The following SLC12A7 variants were observed in gnomAD, a reference collection of about 807,000 sequenced individuals.
SLC12A7 encodes the protein solute carrier family 12 member 7, also known as K-Cl cotransporter 4.
SLC12A7 carries 100 observed loss-of-function variants against 120.6 expected under a neutral mutation model. That is an observed-to-expected ratio of 0.83 (90% CI 0.71 to 0.98). The LOEUF is 0.98. SLC12A7 is among the 50% of genes least tolerant of loss of function. The pLI is 0.00. For synonymous variants in SLC12A7, 760 were observed against 678.0 expected (o/e 1.12, Z -1.88); for missense variants, 1,373 against 1,548.1 (o/e 0.89, Z 1.90).
At chr5:1,085,883 C>T (rs572422309) in intron 6 of SLC12A7, among the ~76,000 whole-genome samples, 1 of 152,362 alleles carries the variant, frequency 6.6e-6, no homozygotes, top group South Asian at 2.1e-4. Flanking sequence ...GCCCAGAGAG[C>T]TCGGCCCACC....
At chr5:1,138,481 C>A in the SLC12A7 span, among the ~76,000 whole-genome samples, 1 of 152,136 alleles carries the variant, frequency 6.6e-6, no homozygotes, top group Admixed American at 6.5e-5. Context: ...TCTACAAGTC[C>A]CCACCCTACC....
intron 17 of SLC12A7, among the ~76,000 whole-genome samples, chr5:1,067,771 T>C (rs1737210703): frequency 6.6e-6 from 1 of 152,012 alleles, no homozygotes; most frequent in Non-Finnish European, 1.5e-5. Flanking sequence ...GGCACTGCCC[T>C]GGCCTGGCAG....
rs370319153 is a variant in SLC12A7 at position 1,085,386 on chromosome 5, C to G, written c.763G>C (p.Gly255Arg). ...GCCATGAGCACGAGCGTGCACGTGC[C>G]GTACACACGCATGTTGTGCAGCATG... is the stretch of plus-strand genomic sequence containing the variant. ...AAMLHNMRVY[G>R]TCTLVLMALV... is the part of the protein sequence containing the mutation. Residue 255 changes from glycine (G) to arginine (R), a missense_variant, in exon 7 of 24, where the codon GGC becomes CGC. Physicochemically the swap from Gly to Arg is moderately radical, Grantham distance 125. Coordinates refer to ENST00000264930, the MANE Select transcript of SLC12A7 (RefSeq NM_006598.3). The G allele has an allele frequency of 6.2e-7, 1 of 1,611,894 alleles. No individual in the cohort carries two copies. The highest frequency in any genetic ancestry group is 1.3e-5 in the African/African-American group (1 of 75,044).
At chr5:1,133,167 T>C in the SLC12A7 span, among the ~76,000 whole-genome samples, 254 of 152,320 alleles carry the variant, frequency 1.7e-3, no homozygotes, top group Admixed American at 4.1e-3. Context: ...CTGCCAGGCT[T>C]GGCTTCCCAA....
intron 1 of SLC12A7, among the ~76,000 whole-genome samples, chr5:1,100,645 C>T (rs1367161495): frequency 6.6e-6 from 1 of 152,206 alleles, no homozygotes; most frequent in Admixed American, 6.5e-5. Context: ...TGTGCCCAGA[C>T]GCCGCATGCA....
At chr5:1,133,680 C>T in the SLC12A7 span, among the ~76,000 whole-genome samples, 3 of 152,148 alleles carry the variant, frequency 2.0e-5, no homozygotes, top group South Asian at 2.1e-4. Context: ...GGAGGCTGGA[C>T]GTGCGCCCCT....
the SLC12A7 span, among the ~76,000 whole-genome samples, chr5:1,122,080 G>C: frequency 1.3e-4 from 20 of 152,150 alleles, 1 homozygote; most frequent in Middle Eastern, 3.2e-3. Flanking sequence ...CCGGGCCCAC[G>C]GCAACGCAGC....
chr5:1,086,822 CCA>C, intron 6 of SLC12A7, 79 bp downstream of exon 6: 3 of 1,555,498 alleles, frequency 1.9e-6, no homozygotes, highest in South Asian at 2.4e-5. Flanking sequence ...GCTGTGTGTG[CCA>C]CAGAGTGGGT....
chr5:1,084,640 T>G (rs533818566), intron 7 of SLC12A7, among the ~76,000 whole-genome samples: 245 of 152,054 alleles, frequency 1.6e-3, no homozygotes, highest in Non-Finnish European at 2.8e-3. Context: ...GCTTGTGGGG[T>G]TGCAGCTGTT....
chr5:1,138,109 C>T, the SLC12A7 span, among the ~76,000 whole-genome samples: 2 of 152,174 alleles, frequency 1.3e-5, no homozygotes, highest in African/African-American at 4.8e-5. Context: ...GAATGAAGTC[C>T]CAGATCTTTG....
intron 7 of SLC12A7, among the ~76,000 whole-genome samples, chr5:1,084,879 G>A (rs1739642146): frequency 6.6e-6 from 1 of 152,026 alleles, no homozygotes; most frequent in Non-Finnish European, 1.5e-5. Context: ...CTGGGAGGGA[G>A]AAGACACCCA....
chr5:1,057,756 G>A (rs962507076), intron 21 of SLC12A7, 107 bp from the exon 22 acceptor site: 22 of 1,118,386 alleles, frequency 2.0e-5, no homozygotes, highest in Non-Finnish European at 2.8e-5. Flanking sequence ...GAACCTGAAG[G>A]GCCCTGTGTG....
At chr5:1,052,545 C>T in intron 23 of SLC12A7, 94 bp from the exon 24 acceptor site, 2 of 1,103,160 alleles carry the variant, frequency 1.8e-6, no homozygotes, top group Non-Finnish European at 2.7e-6. Context: ...TCCTGGTTAG[C>T]TAAGATTTGG....
intron 12 of SLC12A7, among the ~76,000 whole-genome samples, chr5:1,077,026 C>G (rs10474878): frequency 1.3e-4 from 20 of 151,788 alleles, no homozygotes; most frequent in African/African-American, 4.1e-4. Flanking sequence ...TGCCTACGCC[C>G]GGCTTGCCTG....
chr5:1,085,480 G>C lies in SLC12A7; in HGVS notation c.676-7C>G. 6.3e-7 allele frequency: 1 copy of C among 1,598,042 alleles called. No individual in the cohort carries two copies. The highest frequency in any genetic ancestry group is 8.5e-7 in the Non-Finnish European group (1 of 1,172,238). Reference sequence around the variant, plus strand: ...CACCCGGGGAGATGTACGTCTGTGGGAACAAGGCCGGTCGGGAGGCCGTCC... The same window carrying C: ...CACCCGGGGAGATGTACGTCTGTGGCAACAAGGCCGGTCGGGAGGCCGTCC... On this transcript the variant is annotated splice_region_variant and splice_polypyrimidine_tract_variant and intron_variant, in intron 6 of 23. Coordinates refer to ENST00000264930, the MANE Select transcript of SLC12A7 (RefSeq NM_006598.3).
chr5:1,086,672 C>T (rs995002231), intron 6 of SLC12A7, among the ~76,000 whole-genome samples: 2 of 152,240 alleles, frequency 1.3e-5, no homozygotes, highest in South Asian at 4.1e-4. Context: ...ATGCCAGGCA[C>T]GCCTCACGGA....
chr5:1,076,074 A>G (rs1302051666), intron 14 of SLC12A7, 64 bp downstream of exon 14: 1 of 1,380,248 alleles, frequency 7.2e-7, no homozygotes, highest in Admixed American at 2.0e-5. Flanking sequence ...CGGCCTCACC[A>G]GTGGCAGAGG....
Position 1,081,590 on chromosome 5 carries a change from G to A in SLC12A7, c.1284C>T (p.Phe428=), listed in dbSNP as rs887244196. The A allele has an allele frequency of 1.2e-6, 2 of 1,603,176 alleles. No homozygotes were observed. The highest frequency in any genetic ancestry group is 2.2e-5 in the South Asian group (2 of 90,862). Residue 428 remains phenylalanine, a synonymous_variant, in exon 9 of 24, where the codon TTC becomes TTT. Coordinates refer to ENST00000264930, the MANE Select transcript of SLC12A7 (RefSeq NM_006598.3). ...ASFTLLVGIY[F]PSVTGIMAGS... is the part of the protein sequence containing the mutation. ...CAGCGGGCTCACCGGTCACGGAAGG[G>A]AAGTAGATGCCAACCAGCAGGGTGA...
chr5:1,148,237 C>G, the SLC12A7 span, among the ~76,000 whole-genome samples: 1 of 121,360 alleles, frequency 8.2e-6, no homozygotes, highest in African/African-American at 3.4e-5. Context: ...GATGGCGTCT[C>G]GCTCTGTCAC....
Sources: allele counts gnomAD v4.1 joint callset (sites outside exome capture counted in the v4.1 genomes callset), GRCh38; gene constraint gnomAD v4.1.1; transcripts MANE v1.5; gene names NCBI Gene and HGNC (gene_info 2026-07-23, HGNC 2026-07-21).